ATP8A2: variants seen among roughly 807,000 people sequenced by gnomAD.
The protein encoded by ATP8A2 is phospholipid-transporting ATPase IB.
In ATP8A2, 100 loss-of-function variants were observed where a neutral mutation model predicts 165.6. The ratio of observed to expected loss-of-function variants is 0.60; its 90% CI spans 0.51 to 0.71. ATP8A2 has a LOEUF of 0.71. Among genes scored for constraint, ATP8A2 ranks in the 30% least tolerant of loss-of-function variants. The pLI is 0.00. For synonymous variants in ATP8A2, 543 were observed against 548.8 expected, an observed-to-expected ratio of 0.99 and a Z score of 0.15; for missense variants, 1,227 against 1,479.5, an observed-to-expected ratio of 0.83 and a Z score of 2.80.
At chr13:25,859,553 TC>T (rs1952280331) in intron 30 of ATP8A2, among the ~76,000 whole-genome samples, 1 of 146,980 alleles carries the variant, frequency 6.8e-6, no homozygotes, top group African/African-American at 2.5e-5. Context: ...GTCATAGCCA[TC>T]CTTGAAAAGA....
At chr13:25,918,873 C>G (rs1954348962) in intron 33 of ATP8A2, among the ~76,000 whole-genome samples, 1 of 152,134 alleles carries the variant, frequency 6.6e-6, no homozygotes, top group Non-Finnish European at 1.5e-5. Flanking sequence ...TTGTGTATTC[C>G]TCATAAAAAT....
chr13:25,857,209 GCA>G lies in ATP8A2; in HGVS notation c.2957-2983_2957-2982del, dbSNP rs1219083141. Among the ~76,000 whole-genome samples the G allele has an allele frequency of 5.9e-5, 9 of 152,168 alleles. No homozygotes were observed. The East Asian group carries it at 1.7e-3, about 29-fold the overall frequency. ...CAAGTGCTGTCTGCATTCAGACTCT[GCA>G]CAGTTTCTCTCCTCTGTCTGGAACA... On this transcript the variant is annotated intron_variant, in intron 30 of 36. Transcript: ENST00000381655.
At chr13:25,864,205 A>G (rs1952437458) in intron 33 of ATP8A2, among the ~76,000 whole-genome samples, 1 of 152,136 alleles carries the variant, frequency 6.6e-6, no homozygotes, top group African/African-American at 2.4e-5. Flanking sequence ...GCCTCAGCCA[A>G]TGGCCATAGA....
chr13:25,988,407 C>T (rs1956311813), intron 35 of ATP8A2, among the ~76,000 whole-genome samples: 1 of 152,218 alleles, frequency 6.6e-6, no homozygotes, highest in African/African-American at 2.4e-5. Context: ...ATAATGATGA[C>T]ATGTGGGAAA....
Position 25,953,942 on chromosome 13 carries a change from C to T in ATP8A2, c.3184-7633C>T, listed in dbSNP as rs191926050. On this transcript the variant is annotated intron_variant, in intron 33 of 36. Coordinates refer to ENST00000381655, the MANE Select transcript of ATP8A2 (RefSeq NM_016529.6). This position sits in a 1 kb window ranked among gnomAD's most constrained non-coding sequence, Gnocchi z 6.7. Reference sequence around the variant, plus strand: ...ACTGCATGGCTGTTTCGGCAGACACCGAGCTAGCTGCAGGAGTTTTTTTTT... The same window carrying T: ...ACTGCATGGCTGTTTCGGCAGACACTGAGCTAGCTGCAGGAGTTTTTTTTT... 2.8e-4 allele frequency among the ~76,000 whole-genome samples: 40 copies of T among 144,322 alleles called. No individual in the cohort carries two copies. The East Asian group carries it at 2.9e-3, about 11-fold the overall frequency. 94.7% of individuals were successfully genotyped at this position (144,322 alleles called of 152,430 possible).
chr13:25,477,847 G>C (rs896252654), intron 2 of ATP8A2, among the ~76,000 whole-genome samples: 1 of 152,206 alleles, frequency 6.6e-6, no homozygotes, highest in Non-Finnish European at 1.5e-5. Context: ...TGAGGCTGGA[G>C]AATCGCTTGA....
rs2037755251 is a variant in ATP8A2, at chr13:25,524,019, T to C, written c.222-5980T>C. Among the ~76,000 whole-genome samples, 2 of 152,154 alleles carry C rather than the reference T, an allele frequency of 1.3e-5. 1 individual carries two copies. Among genetic ancestry groups the C allele is most frequent in the South Asian group, 4.1e-4 (2 of 4,826 alleles). ...TTACTGCAAACTTCCCCTCTTACCA[T>C]TGCTTTTGCTGTATCCCATAGATTT... On this transcript the variant is annotated intron_variant, in intron 2 of 36. Coordinates refer to ENST00000381655, the MANE Select transcript of ATP8A2 (RefSeq NM_016529.6).
At chr13:26,016,779 T>C (rs550916478) in intron 36 of ATP8A2, among the ~76,000 whole-genome samples, 41 of 152,254 alleles carry the variant, frequency 2.7e-4, no homozygotes, top group African/African-American at 8.9e-4. Context: ...GTTGGTGCAG[T>C]GTGAACTAGC....
intron 30 of ATP8A2, among the ~76,000 whole-genome samples, chr13:25,854,978 C>T (rs757940278): frequency 1.5e-4 from 23 of 152,124 alleles, no homozygotes; most frequent in Non-Finnish European, 3.1e-4. Context: ...TGGCCGGGCA[C>T]GGTGGCTCAT....
chr13:25,967,062 T>A (rs1446131177), intron 34 of ATP8A2, among the ~76,000 whole-genome samples: 1 of 152,152 alleles, frequency 6.6e-6, no homozygotes. Flanking sequence ...TTGTTGTCAG[T>A]CTAACCCCAG....
chr13:25,425,845 G>A (rs918669221), intron 1 of ATP8A2, among the ~76,000 whole-genome samples: 3 of 152,124 alleles, frequency 2.0e-5, no homozygotes, highest in African/African-American at 7.2e-5. Context: ...CAGAGTGCTG[G>A]GATTACAGGC....
At position 25,974,105 on chromosome 13, in the gene ATP8A2, G is replaced by A. The variant is rs111383660; in HGVS notation, c.3377+5426G>A. Among the ~76,000 whole-genome samples the A allele has an allele frequency of 7.2e-5, 11 of 152,318 alleles. 2 individuals are homozygous for A. Among genetic ancestry groups the A allele is most frequent in the African/African-American group, 2.6e-4 (11 of 41,564 alleles). ...AGCAGAGAAGCGAGTGCAGACGGCG[G>A]AGACAGATGACCTGAGCTGGGCTCT... On this transcript the variant is annotated intron_variant, in intron 35 of 36. Transcript: ENST00000381655.
intron 33 of ATP8A2, among the ~76,000 whole-genome samples, chr13:25,958,567 CA>C (rs577980811): frequency 1.0e-3 from 154 of 152,290 alleles, no homozygotes; most frequent in African/African-American, 3.6e-3. Flanking sequence ...TAATTCTACC[CA>C]CCTGACGCTC....
intron 27 of ATP8A2, among the ~76,000 whole-genome samples, chr13:25,816,642 A>G (rs1396902307): frequency 1.3e-5 from 2 of 152,166 alleles, no homozygotes; most frequent in Non-Finnish European, 2.9e-5. Context: ...CACCTTTGCA[A>G]CTCCTACCCA....
At chr13:25,612,631 T>A (rs2040717320) in intron 24 of ATP8A2, among the ~76,000 whole-genome samples, 1 of 152,292 alleles carries the variant, frequency 6.6e-6, no homozygotes, top group East Asian at 1.9e-4. Flanking sequence ...TAGAATGTTT[T>A]GTAAATAAGT....
chr13:25,637,784 G>T (rs1186358657), intron 24 of ATP8A2, among the ~76,000 whole-genome samples: 2 of 152,204 alleles, frequency 1.3e-5, no homozygotes, highest in Non-Finnish European at 1.5e-5. Flanking sequence ...TGGAGTTTGA[G>T]ATCTGAGAAT....
At chr13:25,830,723 A>G (rs1227620355) in intron 28 of ATP8A2, among the ~76,000 whole-genome samples, 3 of 152,182 alleles carry the variant, frequency 2.0e-5, no homozygotes, top group Admixed American at 6.5e-5. Flanking sequence ...ATTTCCACCA[A>G]TTGCATTCTC....
intron 1 of ATP8A2, among the ~76,000 whole-genome samples, chr13:25,459,946 A>G (rs985937004): frequency 6.6e-5 from 10 of 152,182 alleles, no homozygotes; most frequent in African/African-American, 2.4e-4. Context: ...TCACGCCTGT[A>G]ATCCCAGCAC....
At chr13:25,490,507 G>A (rs1325086565) in intron 2 of ATP8A2, among the ~76,000 whole-genome samples, 1 of 152,178 alleles carries the variant, frequency 6.6e-6, no homozygotes, top group Non-Finnish European at 1.5e-5. Context: ...TAACTTGCCT[G>A]AGTTCCTACA....
Sources: gnomAD v4.1 joint callset for allele counts (sites outside exome capture counted in the v4.1 genomes callset) on GRCh38, gnomAD v4.1.1 for gene constraint, Gnocchi (gnomAD v3.1) non-coding constraint, MANE v1.5 for transcripts, NCBI Gene and HGNC (gene_info 2026-07-23, HGNC 2026-07-21) for gene names.